The following ARHGAP17 variants were observed in gnomAD, a reference collection of about 807,000 sequenced individuals.
ARHGAP17 encodes Rho GTPase activating protein 17, also known as rho GTPase-activating protein 17.
Under a neutral mutation model 99.5 loss-of-function variants are expected in ARHGAP17, and 57 were observed. That is an observed-to-expected ratio of 0.57 (90% CI 0.46 to 0.71). The LOEUF (loss-of-function observed/expected upper bound fraction) is 0.71. Among genes scored for constraint, ARHGAP17 ranks in the 30% least tolerant of loss-of-function variants. The probability of loss-of-function intolerance (pLI) is 0.00; values close to 1 mark genes in which losing one functional copy is unlikely to be tolerated. For missense variants in ARHGAP17, 1,000 were observed against 1,122.4 expected (o/e 0.89, Z 1.56); for synonymous variants, 417 against 429.6 (o/e 0.97, Z 0.36).
At chr16:24,968,905 TA>T in intron 4 of ARHGAP17, 133 bp from the exon 5 acceptor site, 1 of 743,080 alleles carries the variant, frequency 1.3e-6, no homozygotes, top group African/African-American at 1.7e-5. Flanking sequence ...GAAAATATTA[TA>T]AATGTAGGGT....
Position 24,939,381 on chromosome 16 carries a change from C to G in ARHGAP17, c.1707G>C (p.Pro569=), listed in dbSNP as rs149887796. The G allele has an allele frequency of 1.9e-4, 305 of 1,606,952 alleles. 1 individual carries two copies. In the African/African-American group the frequency reaches 3.9e-3, roughly 20 times the overall value. The change falls in exon 17 of 20, where the codon CCG becomes CCC. Residue 569 remains proline (P), a synonymous_variant. Coordinates refer to ENST00000289968, the MANE Select transcript of ARHGAP17 (RefSeq NM_001006634.3). The part of the protein sequence containing the change: ...PSSAGILEQG[P]SPGDGSPPKP... ...CTCCTTACCTGCCGTCGCCTGGGCT[C>G]GGCCCCTGCTCCAGTATGCCCGCGG...
Position 24,959,972 on chromosome 16 carries a change from A to T in ARHGAP17, c.581T>A (p.Leu194His). 6.2e-7 allele frequency: 1 copy of T among 1,614,062 alleles called. No individual in the cohort carries two copies. Among genetic ancestry groups the T allele is most frequent in the Non-Finnish European group, 8.5e-7 (1 of 1,179,954 alleles). ...GNKVEQCKDQ[L>H]AADMYNFMAK... ...CATAAAGTTGTACATGTCTGCTGCA[A>T]GTTGATCCTGGGTAAATGGAAGATA... Residue 194 changes from leucine (L) to histidine (H), a missense_variant, in exon 8 of 20, where the codon CTT (leucine) becomes CAT (histidine). By Grantham distance (99) the Leu-to-His change is moderately conservative (BLOSUM62 -3). Coordinates refer to ENST00000289968, the MANE Select transcript of ARHGAP17 (RefSeq NM_001006634.3).
Position 24,952,950 on chromosome 16 carries a change from T to C in ARHGAP17, c.945A>G (p.Ser315=), listed in dbSNP as rs1399458698. 1 of 1,613,738 alleles carries C rather than the reference T, an allele frequency of 6.2e-7. No homozygotes were observed. The highest frequency in any genetic ancestry group is 8.5e-7 in the Non-Finnish European group (1 of 1,179,772). Residue 315 remains serine, a synonymous_variant, in exon 11 of 20, where the codon TCA becomes TCG. Coordinates refer to ENST00000289968, the MANE Select transcript of ARHGAP17 (RefSeq NM_001006634.3). The stretch of plus-strand genomic sequence containing the variant: ...GCTCACCTGCTACAGCATGGGGGTC[T>C]GAATAGAACTCATCCAGGTGAGAAG... The part of the protein sequence containing the change: ...CSTSHLDEFY[S]DPHAVAGALK...
chr16:24,945,586 C>T (rs1235299032), intron 14 of ARHGAP17, among the ~76,000 whole-genome samples: 1 of 152,178 alleles, frequency 6.6e-6, no homozygotes. Flanking sequence ...AACCTCTCCT[C>T]TCCTATCACT....
At chr16:24,974,300 G>A (rs908790953) in intron 3 of ARHGAP17, among the ~76,000 whole-genome samples, 6 of 152,046 alleles carry the variant, frequency 3.9e-5, no homozygotes, top group South Asian at 4.1e-4. Context: ...GCTTGGTGGC[G>A]TGCACCTGTA....
At chr16:24,991,566 T>C (rs1379969435) in intron 1 of ARHGAP17, among the ~76,000 whole-genome samples, 2 of 152,200 alleles carry the variant, frequency 1.3e-5, no homozygotes, top group Non-Finnish European at 2.9e-5. Context: ...CCGTGTGGGA[T>C]GGCACCAAAG....
intron 3 of ARHGAP17, among the ~76,000 whole-genome samples, chr16:24,975,709 T>C (rs543637399): frequency 6.6e-6 from 1 of 152,332 alleles, no homozygotes; most frequent in Non-Finnish European, 1.5e-5. Context: ...TTGAGACACC[T>C]GGTGACAATA....
At chr16:24,939,670 G>T in intron 16 of ARHGAP17, 73 bp from the exon 17 acceptor site, 1 of 1,474,848 alleles carries the variant, frequency 6.8e-7, no homozygotes, top group Non-Finnish European at 9.3e-7. Flanking sequence ...CGGTCCACAT[G>T]TGTTAAAACC....
At chr16:24,968,845 G>A in intron 4 of ARHGAP17, 73 bp from the exon 5 acceptor site, 14 of 1,438,194 alleles carry the variant, frequency 9.7e-6, no homozygotes, top group Middle Eastern at 1.7e-4. Context: ...GTGGATCAGT[G>A]CTGCTTGCCA....
At chr16:24,989,015 A>C (rs898309273) in intron 1 of ARHGAP17, among the ~76,000 whole-genome samples, 4 of 152,260 alleles carry the variant, frequency 2.6e-5, no homozygotes, top group African/African-American at 7.2e-5. Flanking sequence ...GTACATCCAC[A>C]TAGAGCTACT....
intron 1 of ARHGAP17, among the ~76,000 whole-genome samples, chr16:25,000,048 T>C (rs981087142): frequency 5.9e-5 from 9 of 152,148 alleles, no homozygotes; most frequent in African/African-American, 1.9e-4. Flanking sequence ...GAGTGGCTGA[T>C]TGGACCAAGG....
intron 1 of ARHGAP17, among the ~76,000 whole-genome samples, chr16:24,996,913 CA>C (rs35821047): frequency 1.1e-3 from 157 of 142,194 alleles, no homozygotes; most frequent in South Asian, 1.3e-3. Context: ...TAGGGACAAC[CA>C]AAAAAAAAAA....
chr16:24,977,180 AG>A, intron 3 of ARHGAP17, 34 bp downstream of exon 3: 1 of 1,507,010 alleles, frequency 6.6e-7, no homozygotes, highest in Admixed American at 1.9e-5. Flanking sequence ...AGAGAGACGC[AG>A]GAACTGTGGG....
chr16:25,013,483 T>C (rs536317360), intron 1 of ARHGAP17, among the ~76,000 whole-genome samples: 1 of 152,250 alleles, frequency 6.6e-6, no homozygotes, highest in Admixed American at 6.5e-5. Context: ...TTAGCGGATG[T>C]GGTGGTGCCC....
chr16:24,930,666 T>C, intron 19 of ARHGAP17, 118 bp downstream of exon 19: 2 of 1,573,138 alleles, frequency 1.3e-6, no homozygotes, highest in Non-Finnish European at 1.7e-6. Flanking sequence ...ACAGGTTTGG[T>C]TTGGCTTGCG....
At chr16:24,981,548 T>C (rs1567249104) in intron 1 of ARHGAP17, among the ~76,000 whole-genome samples, 2 of 152,174 alleles carry the variant, frequency 1.3e-5, no homozygotes, top group Non-Finnish European at 1.5e-5. Flanking sequence ...AGTTTACACA[T>C]ATTACTTATA....
intron 4 of ARHGAP17, among the ~76,000 whole-genome samples, chr16:24,969,191 T>C (rs1196110314): frequency 2.0e-5 from 3 of 152,240 alleles, no homozygotes; most frequent in Non-Finnish European, 4.4e-5. Context: ...GCTAGCTGGC[T>C]AACACTTAAG....
chr16:24,972,957 C>G (rs1040643689), intron 3 of ARHGAP17, among the ~76,000 whole-genome samples: 1 of 148,706 alleles, frequency 6.7e-6, no homozygotes, highest in Non-Finnish European at 1.5e-5. Context: ...TTTTTTAAGA[C>G]AGGGTCTGGC....
At chr16:24,939,718 G>C in intron 16 of ARHGAP17, 121 bp from the exon 17 acceptor site, 2 of 1,093,740 alleles carry the variant, frequency 1.8e-6, no homozygotes, top group Non-Finnish European at 2.7e-6. Context: ...CCGGCATGCA[G>C]TGAAGCGGCA....
Sources: allele counts gnomAD v4.1 joint callset (sites outside exome capture counted in the v4.1 genomes callset), GRCh38; gene constraint gnomAD v4.1.1; transcripts MANE v1.5; gene names NCBI Gene and HGNC (gene_info 2026-07-23, HGNC 2026-07-21).